The following MYO1F variants were observed in gnomAD, a reference collection of about 807,000 sequenced individuals.
MYO1F encodes myosin IF.
A neutral mutation model predicts 146.6 loss-of-function variants in MYO1F; 60 were observed. The observed-to-expected ratio is 0.41, with a 90% CI of 0.33 to 0.51. The LOEUF (loss-of-function observed/expected upper bound fraction) is 0.51. Among genes scored for constraint, MYO1F ranks in the 20% least tolerant of loss-of-function variants. The pLI is 0.25. For synonymous variants in MYO1F, 602 were observed against 602.1 expected, an observed-to-expected ratio of 1.00 and a Z score of 0.00; for missense variants, 1,274 against 1,534.3, an observed-to-expected ratio of 0.83 and a Z score of 2.83.
At position 8,522,562 on chromosome 19, in the gene MYO1F, G is replaced by T. The variant is rs373905703; in HGVS notation, c.3051-16C>A. On this transcript the variant is annotated splice_polypyrimidine_tract_variant and intron_variant, in intron 26 of 27. Coordinates refer to ENST00000644032, the MANE Select transcript of MYO1F (RefSeq NM_012335.4). ...CCTCTGCATGCTGTGGGCACAGGGG[G>T]TTTGAGTCACAGCCCCAGACACTCC... 2 of 1,609,990 alleles carry T rather than the reference G, an allele frequency of 1.2e-6. No individual in the cohort carries two copies.
In MYO1F at chr19:8,544,034, G is replaced by A. The variant is rs1247307989; in HGVS notation, c.1524+263C>T. The A allele has an allele frequency of 7.1e-6, 4 of 560,058 alleles. No homozygotes were observed. The African/African-American group carries it at 8.0e-5, about 11-fold the overall frequency. 34.7% of individuals were successfully genotyped at this position (560,058 alleles called of 1,614,324 possible). A position where few individuals can be genotyped will look rare whatever the true frequency, so the allele number is the denominator to read the frequency against. ...TGGCGGTGGCGGTGGCGGTGGCGGT[G>A]GCGGTGCTGGTGGTGGTGGTGGTGG... On this transcript the variant is annotated intron_variant, in intron 14 of 27. Coordinates refer to ENST00000644032, the MANE Select transcript of MYO1F (RefSeq NM_012335.4).
intron 25 of MYO1F, among the ~76,000 whole-genome samples, chr19:8,524,416 C>CAAAAAAA (rs777339567): frequency 1.3e-4 from 11 of 83,490 alleles, no homozygotes; most frequent in Admixed American, 2.9e-4. Context: ...GACTCTGTCT[C>CAAAAAAA]AAAAAAAAAA....
chr19:8,554,810 C>A (rs941936391), intron 2 of MYO1F, 67 bp from the exon 3 acceptor site: 1 of 1,424,608 alleles, frequency 7.0e-7, no homozygotes, highest in Non-Finnish European at 9.9e-7. Context: ...CTCATCCTGC[C>A]CCCACCCAGG....
At chr19:8,542,896 C>T (rs912637763) in intron 14 of MYO1F, among the ~76,000 whole-genome samples, 1 of 151,568 alleles carries the variant, frequency 6.6e-6, no homozygotes, top group African/African-American at 2.4e-5. Flanking sequence ...AGCCACTGCA[C>T]CCGGCCCTGT....
Position 8,574,735 on chromosome 19 carries a change from T to TTTTC in MYO1F, c.3+2568_3+2571dup, listed in dbSNP as rs1197246779. On this transcript the variant is annotated intron_variant, in intron 1 of 27. Transcript: ENST00000644032. Reference sequence around the variant, plus strand: ...TTTTTCTTTCTCTTTCTTTCTTTCTTTTTCTTTCTTTCTTTCTCTCTCTCT... The same window carrying TTTTC: ...TTTTTCTTTCTCTTTCTTTCTTTCTTTTTCTTTCTTTCTTTCTTTCTCTCTCTCT... Among the ~76,000 whole-genome samples, 32 of 150,342 alleles carry TTTTC rather than the reference T, an allele frequency of 2.1e-4. No individual in the cohort carries two copies. In the South Asian group the frequency reaches 2.5e-3, roughly 12 times the overall value.
intron 1 of MYO1F, among the ~76,000 whole-genome samples, chr19:8,572,651 C>G (rs1357604853): frequency 6.6e-6 from 1 of 152,146 alleles, no homozygotes; most frequent in Non-Finnish European, 1.5e-5. Flanking sequence ...GCCACTGATT[C>G]TGGACCCAGC....
At chr19:8,556,071 C>T (rs1458884354) in intron 1 of MYO1F, among the ~76,000 whole-genome samples, 3 of 151,568 alleles carry the variant, frequency 2.0e-5, no homozygotes, top group African/African-American at 4.8e-5. Flanking sequence ...CTCTGTCAGT[C>T]AGGCTGGGGT....
intron 24 of MYO1F, 42 bp from the exon 25 acceptor site, chr19:8,525,604 C>T: frequency 6.5e-7 from 1 of 1,536,738 alleles, no homozygotes. Flanking sequence ...AGACAGACCA[C>T]GCTCTTTGCC....
intron 1 of MYO1F, among the ~76,000 whole-genome samples, chr19:8,558,393 T>C (rs944622545): frequency 6.6e-6 from 1 of 152,072 alleles, no homozygotes; most frequent in African/African-American, 2.4e-5. Flanking sequence ...CTTTAACTTC[T>C]GGCCTCAAGT....
intron 16 of MYO1F, among the ~76,000 whole-genome samples, chr19:8,538,321 G>C (rs145614476): frequency 2.8e-4 from 42 of 149,008 alleles, no homozygotes; most frequent in African/African-American, 9.9e-4. Flanking sequence ...CTGAGACAGG[G>C]TCTTGCTCTG....
Position 8,544,404 on chromosome 19 carries a change from C to T in MYO1F, c.1417G>A (p.Gly473Arg), listed in dbSNP as rs773405214. The change falls in exon 14 of 28, where the codon GGG becomes AGG. Residue 473 changes from glycine (G) to arginine (R), a missense_variant. This residue lies in a region of MYO1F where 900 missense variants were observed against 1,155.1 expected (regional missense o/e 0.78). Coordinates refer to ENST00000644032, the MANE Select transcript of MYO1F (RefSeq NM_012335.4). Reference sequence around the variant, plus strand: ...TGCAGCAGTGTCTGGTCTGCTCCCCCGCCCGTGGCGTGCATGGTGGCGCAC... The same window carrying T: ...TGCAGCAGTGTCTGGTCTGCTCCCCTGCCCGTGGCGTGCATGGTGGCGCAC... ...DVCATMHATG[G>R]GADQTLLQKL... 1.1e-5 allele frequency: 18 copies of T among 1,612,900 alleles called. No individual in the cohort carries two copies. Among genetic ancestry groups the T allele is most frequent in the East Asian group, 2.2e-5 (1 of 44,842 alleles).
At chr19:8,541,582 C>G (rs943542308) in intron 15 of MYO1F, 8 of 358,210 alleles carry the variant, frequency 2.2e-5, no homozygotes, top group Non-Finnish European at 3.2e-5. Context: ...GTGCGCGCCA[C>G]CACGCCTAGG....
At chr19:8,566,579 T>C (rs896786608) in intron 1 of MYO1F, among the ~76,000 whole-genome samples, 1 of 151,560 alleles carries the variant, frequency 6.6e-6, no homozygotes, top group African/African-American at 2.4e-5. Flanking sequence ...AGTGGCATGA[T>C]CTTGGCTCAC....
rs778229388 is a variant in MYO1F, at chr19:8,526,906, T to C, written c.2504A>G (p.Gln835Arg). ...STRQDDFFIL[Q>R]EDAADSFLES... The stretch of plus-strand genomic sequence containing the variant: ...CAGGAAGCTGTCGGCGGCATCCTCT[T>C]GGAGGATGAAGAAGTCGTCCTGTCG... Residue 835 changes from glutamine to arginine, a missense_variant, in exon 23 of 28, where the codon CAA becomes CGA. Physicochemically the swap from Gln to Arg is conservative, Grantham distance 43. Coordinates refer to ENST00000644032, the MANE Select transcript of MYO1F (RefSeq NM_012335.4). 2.4e-5 allele frequency: 39 copies of C among 1,613,644 alleles called. No homozygotes were observed. The highest frequency in any genetic ancestry group is 3.1e-5 in the Non-Finnish European group (37 of 1,179,916).
chr19:8,545,022 C>G (rs908149801), intron 13 of MYO1F, among the ~76,000 whole-genome samples: 1 of 152,142 alleles, frequency 6.6e-6, no homozygotes, highest in Non-Finnish European at 1.5e-5. Flanking sequence ...AGGTGATCCA[C>G]CTGCCTTGGC....
chr19:8,522,745 G>A lies in MYO1F; in HGVS notation c.2939C>T (p.Pro980Leu). 3.1e-6 allele frequency: 5 copies of A among 1,612,194 alleles called. No individual in the cohort carries two copies. Among genetic ancestry groups the A allele is most frequent in the Non-Finnish European group, 4.2e-6 (5 of 1,179,624 alleles). ...EIMSGGGTHR[P>L]PRGPPSTSLG... ...GGATGTGGACGGAGGGCCCCGGGGA[G>A]GCCTGTGGGTGCCCCCTCCAGACAT... Residue 980 changes from proline to leucine, a missense_variant, in exon 26 of 28, where the codon CCT (proline) becomes CTT (leucine). Around this residue, in one of 2 missense-constraint regions of MYO1F, gnomAD observed 374 missense variants for 379.2 expected, o/e 0.99. Coordinates refer to ENST00000644032, the MANE Select transcript of MYO1F (RefSeq NM_012335.4).
chr19:8,539,403 A>C (rs1379352902), intron 16 of MYO1F, among the ~76,000 whole-genome samples: 1 of 151,264 alleles, frequency 6.6e-6, no homozygotes, highest in African/African-American at 2.4e-5. Context: ...AACAAGAGTG[A>C]AACTCCATCT....
intron 6 of MYO1F, 119 bp from the exon 7 acceptor site, chr19:8,552,283 G>T: frequency 9.1e-7 from 1 of 1,097,412 alleles, no homozygotes; most frequent in Non-Finnish European, 1.4e-6. Flanking sequence ...TTTTGAGACA[G>T]AATCTGACTC....
In MYO1F at chr19:8,522,751, T is replaced by C. The variant is rs1447417569; in HGVS notation, c.2933A>G (p.His978Arg). ...GGACGGAGGGCCCCGGGGAGGCCTG[T>C]GGGTGCCCCCTCCAGACATGATCTC... ...PLEIMSGGGT[H>R]RPPRGPPSTS... The change falls in exon 26 of 28, where the codon CAC (histidine) becomes CGC (arginine). Residue 978 changes from histidine to arginine, a missense_variant. Physicochemically the swap from His to Arg is conservative, Grantham distance 29 (BLOSUM62 0). Transcript: ENST00000644032. 1.9e-6 allele frequency: 3 copies of C among 1,611,624 alleles called. No homozygotes were observed. Among genetic ancestry groups the C allele is most frequent in the Non-Finnish European group, 2.5e-6 (3 of 1,179,466 alleles).
Sources: gnomAD v4.1 joint callset for allele counts (sites outside exome capture counted in the v4.1 genomes callset) on GRCh38, gnomAD v4.1.1 for gene constraint, gnomAD v4.1.1 regional missense constraint, MANE v1.5 for transcripts, NCBI Gene and HGNC (gene_info 2026-07-23, HGNC 2026-07-21) for gene names.